RADIL: variants seen among roughly 807,000 people sequenced by gnomAD.
The protein encoded by RADIL is Rap associating with DIL domain.
RADIL carries 99 observed loss-of-function variants against 97.6 expected under a neutral mutation model. The observed-to-expected ratio is 1.01, with a 90% confidence interval of 0.86 to 1.20. RADIL has a LOEUF of 1.20. Among genes scored for constraint, RADIL ranks in the 50% most tolerant of loss-of-function variants. RADIL has a pLI of 0.00. For synonymous variants in RADIL, 803 were observed against 691.8 expected (o/e 1.16, Z -2.52); for missense variants, 1,765 against 1,498.9 (o/e 1.18, Z -2.93).
chr7:4,874,798 C>A (rs1164116563), intron 2 of RADIL, among the ~76,000 whole-genome samples: 1 of 152,138 alleles, frequency 6.6e-6, no homozygotes, highest in African/African-American at 2.4e-5. Flanking sequence ...TGGCTCACAC[C>A]TGTCATCCCA....
intron 11 of RADIL, among the ~76,000 whole-genome samples, chr7:4,802,372 C>A (rs1422810090): frequency 7.0e-6 from 1 of 142,078 alleles, no homozygotes; most frequent in Non-Finnish European, 1.5e-5. Flanking sequence ...GGCTGGGGGG[C>A]CCCCTCCCCG....
chr7:4,803,654 G>A lies in RADIL; in HGVS notation c.2391C>T (p.Tyr797=), dbSNP rs778490995. ...LEANCLDDSI[Y]QHLLYVRHFL... is the part of the protein sequence containing the mutation. ...AGTGGCGGACGTAGAGCAGGTGCTG[G>A]TAGATGCTGTCGTCCAGGCAGTTGG... Residue 797 remains tyrosine (Y), a synonymous_variant, in exon 11 of 15, where the codon TAC becomes TAT. Transcript: ENST00000399583. The A allele has an allele frequency of 3.3e-5, 51 of 1,551,030 alleles. No individual in the cohort carries two copies. Among genetic ancestry groups the A allele is most frequent in the Non-Finnish European group, 3.2e-5 (37 of 1,147,546 alleles).
chr7:4,809,007 GACGCCACTGCCCCCCCT>G (rs1782452836), intron 9 of RADIL: 2 of 591,562 alleles, frequency 3.4e-6, no homozygotes, highest in Admixed American at 3.4e-4. Flanking sequence ...GTCCCCTTCC[GACGCCACTGCCCCCCCT>G]TGTCCCCTTC....
At chr7:4,839,004 A>C (rs988854279) in intron 2 of RADIL, among the ~76,000 whole-genome samples, 3 of 152,198 alleles carry the variant, frequency 2.0e-5, no homozygotes, top group African/African-American at 7.2e-5. Flanking sequence ...CAAAGCCCAG[A>C]ACCCACCCAA....
chr7:4,865,333 T>C (rs1027416541), intron 2 of RADIL: 11 of 543,024 alleles, frequency 2.0e-5, no homozygotes, highest in African/African-American at 1.9e-4. Flanking sequence ...GAATACAATA[T>C]TGTATTTTTA....
rs1207876881 is a variant in RADIL, at chr7:4,803,084, CCCGGG to C, written c.2499+457_2499+461del. ...CGGGGCACGCTGGCTGGGTCCCCTC[CCCGGG>C]CACCTCGGGGCACGCTGGCTGGGGG... is the stretch of plus-strand genomic sequence containing the variant. On this transcript the variant is annotated intron_variant, in intron 11 of 14. Coordinates refer to ENST00000399583, the MANE Select transcript of RADIL (RefSeq NM_018059.5). Among the ~76,000 whole-genome samples, 23 of 72,476 alleles carry C rather than the reference CCCGGG, an allele frequency of 3.2e-4. 10 individuals are homozygous for C. The highest frequency in any genetic ancestry group is 2.6e-3 in the African/African-American group (22 of 8,592). The allele number at this position is 72,476 out of a possible 152,430, so 47.5% of individuals were successfully genotyped here.
rs777362767 is a variant in RADIL, at chr7:4,836,468, C to T, written c.673G>A (p.Ala225Thr). Residue 225 changes from alanine (A) to threonine (T), a missense_variant, in exon 3 of 15, where the codon GCC becomes ACC. By Grantham distance (58) the Ala-to-Thr change is moderately conservative. Coordinates refer to ENST00000399583, the MANE Select transcript of RADIL (RefSeq NM_018059.5). ...GGGCCCTGGGCGGCAGCGGGCAGGG[C>T]GTTCACTGGGCTCAGGCTGGTCTCA... ...VSETSLSPVNALPAAAQGPEE... is the reference protein window; with the variant it reads ...VSETSLSPVNTLPAAAQGPEE... The T allele has an allele frequency of 1.4e-5, 23 of 1,605,400 alleles. No individual in the cohort carries two copies. The highest frequency in any genetic ancestry group is 1.7e-5 in the Non-Finnish European group (20 of 1,176,534).
At chr7:4,860,710 G>C in intron 2 of RADIL, 2 of 1,613,944 alleles carry the variant, frequency 1.2e-6, no homozygotes, top group Non-Finnish European at 1.7e-6. Context: ...TTTGAAAGAA[G>C]CTTGGAGCTT....
chr7:4,838,730 C>A (rs1398335297), intron 2 of RADIL, among the ~76,000 whole-genome samples: 1 of 152,242 alleles, frequency 6.6e-6, no homozygotes, highest in Admixed American at 6.5e-5. Flanking sequence ...GGCCTCTCCT[C>A]TGGGCGGTGG....
chr7:4,801,828 G>GCCC lies in RADIL; in HGVS notation c.2664_2666dup (p.Gly889dup). On this transcript the variant is annotated inframe_insertion, in exon 12 of 15. Coordinates refer to ENST00000399583, the MANE Select transcript of RADIL (RefSeq NM_018059.5). ...CCGTGTGCGGGGGGCCAGCCTGGGA[G>GCCC]CCCCCACGGCTGGGTTGCCTTCCAG... is the stretch of plus-strand genomic sequence containing the variant. 4.4e-6 allele frequency: 7 copies of GCCC among 1,604,838 alleles called. No homozygotes were observed. Among genetic ancestry groups the GCCC allele is most frequent in the Non-Finnish European group, 5.1e-6 (6 of 1,176,508 alleles).
chr7:4,817,701 C>T lies in RADIL; in HGVS notation c.1616-350G>A, dbSNP rs576901041. 6.6e-6 allele frequency among the ~76,000 whole-genome samples: 1 copy of T among 152,324 alleles called. No individual in the cohort carries two copies. Among genetic ancestry groups the T allele is most frequent in the Non-Finnish European group, 1.5e-5 (1 of 68,020 alleles). On this transcript the variant is annotated intron_variant, in intron 6 of 14. Transcript: ENST00000399583. The surrounding 1 kb of genome is among the most constrained non-coding windows in gnomAD (Gnocchi z 8.3). ...CCAACATAGCAGGTCCTAACTGCCT[C>T]CCCACAGGTCACCTCTCACTCGCGA...
intron 9 of RADIL, chr7:4,809,593 G>T (rs925082743): frequency 1.0e-6 from 1 of 985,352 alleles, no homozygotes; most frequent in African/African-American, 1.7e-5. Context: ...CAGCCCTGCA[G>T]ACACGCTCCT....
intron 4 of RADIL, 30 bp from the exon 5 acceptor site, chr7:4,832,208 G>A (rs777216664): frequency 5.0e-6 from 8 of 1,604,924 alleles, no homozygotes; most frequent in Non-Finnish European, 6.8e-6. Flanking sequence ...GAAAAAGCAA[G>A]TGAGCAAAAC....
intron 9 of RADIL, chr7:4,809,567 G>A (rs1461743957): frequency 4.1e-6 from 4 of 985,356 alleles, no homozygotes; most frequent in African/African-American, 1.7e-5. Flanking sequence ...CACCACGGCA[G>A]GTCCCGCCCC....
chr7:4,881,414 C>CAAAA (rs58871429), intron 1 of RADIL, among the ~76,000 whole-genome samples: 2 of 82,296 alleles, frequency 2.4e-5, no homozygotes, highest in Non-Finnish European at 4.7e-5. Flanking sequence ...GACTCCCTCT[C>CAAAA]AAAAAAAAAA....
At chr7:4,864,572 C>CA (rs1388121360) in intron 2 of RADIL, among the ~76,000 whole-genome samples, 2 of 152,208 alleles carry the variant, frequency 1.3e-5, no homozygotes, top group Non-Finnish European at 2.9e-5. Flanking sequence ...CTCATCCTCC[C>CA]ACAGTTTGCT....
intron 2 of RADIL, chr7:4,861,388 C>T (rs749219869): frequency 2.5e-6 from 4 of 1,614,106 alleles, no homozygotes; most frequent in Non-Finnish European, 8.5e-7. Context: ...TCACTTCCTC[C>T]TGTAGTTTCA....
Position 4,803,098 on chromosome 7 carries a change from G to T in RADIL, c.2499+448C>A, listed in dbSNP as rs1266354351. On this transcript the variant is annotated intron_variant, in intron 11 of 14. Coordinates refer to ENST00000399583, the MANE Select transcript of RADIL (RefSeq NM_018059.5). Reference sequence around the variant, plus strand: ...TGGGTCCCCTCCCCGGGCACCTCGGGGCACGCTGGCTGGGGGGCCCCCTCC... The same window carrying T: ...TGGGTCCCCTCCCCGGGCACCTCGGTGCACGCTGGCTGGGGGGCCCCCTCC... Among the ~76,000 whole-genome samples, 58 of 63,466 alleles carry T rather than the reference G, an allele frequency of 9.1e-4. 2 individuals are homozygous for T. Among genetic ancestry groups the T allele is most frequent in the Non-Finnish European group, 1.3e-3 (48 of 36,428 alleles). 41.6% of individuals were successfully genotyped at this position (63,466 alleles called of 152,430 possible).
At chr7:4,812,857 T>C (rs537763201) in intron 9 of RADIL, among the ~76,000 whole-genome samples, 1 of 152,256 alleles carries the variant, frequency 6.6e-6, no homozygotes, top group Non-Finnish European at 1.5e-5. Context: ...TCATTCTCTT[T>C]CTTACCTCAT....
Sources: gnomAD v4.1 joint callset for allele counts (sites outside exome capture counted in the v4.1 genomes callset) on GRCh38, gnomAD v4.1.1 for gene constraint, Gnocchi (gnomAD v3.1) non-coding constraint, MANE v1.5 for transcripts, NCBI Gene and HGNC (gene_info 2026-07-23, HGNC 2026-07-21) for gene names.